Variants in JDP2 observed in about 807,000 individuals in gnomAD.
JDP2 encodes progesterone receptor co-activator.
A neutral mutation model predicts 17.1 loss-of-function variants in JDP2; 9 were observed. That is an observed-to-expected ratio of 0.53 (90% CI 0.32 to 0.92). JDP2 has a LOEUF of 0.92. JDP2 is among the 40% of genes least tolerant of loss of function. The probability of loss-of-function intolerance (pLI) is 0.04; values close to 1 mark genes in which losing one functional copy is unlikely to be tolerated. For missense variants in JDP2, 179 were observed against 220.0 expected (o/e 0.81, Z 1.18); for synonymous variants, 107 against 95.6 (o/e 1.12, Z -0.69).
intron 2 of JDP2, 77 bp downstream of exon 2, chr14:75,438,198 A>G: frequency 8.4e-7 from 1 of 1,194,322 alleles, no homozygotes; most frequent in Non-Finnish European, 1.2e-6. Context: ...TTGCTGTTCA[A>G]AGTGTGGTCT....
intron 2 of JDP2, among the ~76,000 whole-genome samples, chr14:75,461,132 G>A (rs371486339): frequency 1.1e-4 from 17 of 152,172 alleles, no homozygotes; most frequent in African/African-American, 4.1e-4. Flanking sequence ...TCTCAACACT[G>A]TTGCATTGGG....
chr14:75,436,282 G>A (rs1412038349), intron 1 of JDP2, among the ~76,000 whole-genome samples: 3 of 152,204 alleles, frequency 2.0e-5, no homozygotes, highest in Non-Finnish European at 2.9e-5. Flanking sequence ...CACTCCTGCA[G>A]GAGACAGAGA....
chr14:75,456,733 T>G (rs367847072), intron 2 of JDP2, among the ~76,000 whole-genome samples: 3 of 152,210 alleles, frequency 2.0e-5, no homozygotes, highest in Non-Finnish European at 4.4e-5. Flanking sequence ...TGCCCGGCCC[T>G]GCATGACCCC....
In JDP2 at chr14:75,472,802, T is replaced by C. The variant is rs1886842552; in HGVS notation, c.*3327T>C. ...TAAAGATGGGCTGCCAAGTTTGTGT[T>C]CTGACCCTGTACGTGGTCCCTATGG... is the stretch of plus-strand genomic sequence containing the variant. On this transcript the variant is annotated 3_prime_UTR_variant, in exon 4 of 4. Transcript: ENST00000651602. 6.6e-6 allele frequency: 1 copy of C among 152,338 alleles called. No homozygotes were observed. Among genetic ancestry groups the C allele is most frequent in the South Asian group, 2.1e-4 (1 of 4,836 alleles). The allele number at this position is 152,338 out of a possible 1,614,324, so 9.4% of individuals were successfully genotyped here. A position where few individuals can be genotyped will look rare whatever the true frequency, so the allele number is the denominator to read the frequency against.
chr14:75,431,660 C>A (rs986359115), intron 1 of JDP2, among the ~76,000 whole-genome samples: 4 of 152,210 alleles, frequency 2.6e-5, no homozygotes, highest in African/African-American at 9.7e-5. Flanking sequence ...TGACCTGGCA[C>A]CCTTTGTTTC....
At chr14:75,466,019 C>T (rs1241643304) in intron 3 of JDP2, among the ~76,000 whole-genome samples, 1 of 151,872 alleles carries the variant, frequency 6.6e-6, no homozygotes, top group Non-Finnish European at 1.5e-5. Flanking sequence ...AGTCACAAAC[C>T]ACTTCTACAA....
chr14:75,452,287 G>C (rs1019873794), intron 2 of JDP2, among the ~76,000 whole-genome samples: 2 of 152,108 alleles, frequency 1.3e-5, no homozygotes, highest in Non-Finnish European at 2.9e-5. Context: ...TGGCAGCCTC[G>C]GGCAGACACT....
chr14:75,438,038 A>C lies in JDP2; in HGVS notation c.118A>C (p.Ile40Leu). 1 of 1,614,028 alleles carries C rather than the reference A, an allele frequency of 6.2e-7. No individual in the cohort carries two copies. Among genetic ancestry groups the C allele is most frequent in the South Asian group, 1.1e-5 (1 of 91,006 alleles). ...LTVEELKYAD[I>L]RNLGAMIAPL... is the part of the protein sequence containing the mutation. ...TGTGGAGGAGCTGAAATACGCTGAC[A>C]TCCGCAACCTCGGGGCCATGATTGC... The change falls in exon 2 of 4, where the codon ATC becomes CTC. Residue 40 changes from isoleucine to leucine, a missense_variant. Transcript: ENST00000651602.
intron 2 of JDP2, among the ~76,000 whole-genome samples, chr14:75,438,834 C>T (rs1330015489): frequency 6.6e-6 from 1 of 152,278 alleles, no homozygotes; most frequent in Non-Finnish European, 1.5e-5. Flanking sequence ...CAGTCCCCGG[C>T]ATGGCTGAGG....
intron 2 of JDP2, among the ~76,000 whole-genome samples, chr14:75,457,920 T>C (rs1419625685): frequency 6.6e-6 from 1 of 152,208 alleles, no homozygotes; most frequent in African/African-American, 2.4e-5. Context: ...GGGTGATAAG[T>C]CACTTTGTAA....
At chr14:75,443,392 A>G (rs1248458977) in intron 2 of JDP2, among the ~76,000 whole-genome samples, 1 of 152,180 alleles carries the variant, frequency 6.6e-6, no homozygotes, top group Non-Finnish European at 1.5e-5. Context: ...GCTCTTTGGA[A>G]TAGCATTGGC....
intron 1 of JDP2, among the ~76,000 whole-genome samples, chr14:75,429,870 G>GTGAT (rs1379663819): frequency 1.3e-5 from 2 of 152,156 alleles, no homozygotes; most frequent in Non-Finnish European, 1.5e-5. Context: ...TGGGTGCTGT[G>GTGAT]TGATTTGAAG....
chr14:75,450,217 C>G (rs970774468), intron 2 of JDP2, among the ~76,000 whole-genome samples: 2 of 152,168 alleles, frequency 1.3e-5, no homozygotes, highest in African/African-American at 4.8e-5. Flanking sequence ...GGGTGTCAGG[C>G]TTTCAGTTCA....
chr14:75,453,485 G>A (rs1885962764), intron 2 of JDP2, among the ~76,000 whole-genome samples: 1 of 152,238 alleles, frequency 6.6e-6, no homozygotes, highest in Non-Finnish European at 1.5e-5. Flanking sequence ...CCGGAGGCAG[G>A]CCAGTGTGCC....
chr14:75,444,595 G>A (rs993582255), intron 2 of JDP2, among the ~76,000 whole-genome samples: 1 of 152,196 alleles, frequency 6.6e-6, no homozygotes, highest in African/African-American at 2.4e-5. Flanking sequence ...AATCCAAACT[G>A]CCCTTTCCAA....
intron 2 of JDP2, among the ~76,000 whole-genome samples, chr14:75,453,382 A>G (rs1885957503): frequency 6.6e-6 from 1 of 151,652 alleles, no homozygotes; most frequent in Non-Finnish European, 1.5e-5. Context: ...CGGGGCTGTT[A>G]CTCCAGGCCT....
At chr14:75,458,149 CA>C (rs1395074397) in intron 2 of JDP2, among the ~76,000 whole-genome samples, 5 of 151,816 alleles carry the variant, frequency 3.3e-5, no homozygotes, top group Admixed American at 2.0e-4. Context: ...GTAGCAGCAC[CA>C]AAAAAGCAGC....
chr14:75,432,489 G>A (rs549165732), intron 1 of JDP2, among the ~76,000 whole-genome samples: 1 of 152,328 alleles, frequency 6.6e-6, no homozygotes, highest in East Asian at 1.9e-4. Context: ...CATTGCCCAT[G>A]CCCTGCCGTC....
chr14:75,441,075 G>A lies in JDP2; in HGVS notation c.201+2954G>A, dbSNP rs118097903. Among the ~76,000 whole-genome samples the A allele has an allele frequency of 2.9e-4, 44 of 152,312 alleles. 1 individual carries two copies. In the East Asian group the frequency reaches 7.7e-3, roughly 27 times the overall value. ...TCATTTTGATGACATTGTCTGATGA[G>A]TGCTGAGCCCTGCAGTCCTGCAGCC... On this transcript the variant is annotated intron_variant, in intron 2 of 3. Transcript: ENST00000651602.
Sources: allele counts gnomAD v4.1 joint callset (sites outside exome capture counted in the v4.1 genomes callset), GRCh38; gene constraint gnomAD v4.1.1; transcripts MANE v1.5; gene names NCBI Gene and HGNC (gene_info 2026-07-23, HGNC 2026-07-21).